Variants in XKR7 observed in about 807,000 individuals in gnomAD.
XKR7 encodes XK-related protein 7.
In XKR7, 11 loss-of-function variants were observed where a neutral mutation model predicts 42.2. That is an observed-to-expected ratio of 0.26 (90% CI 0.16 to 0.43). The LOEUF is 0.43. XKR7 is among the 20% of genes least tolerant of loss of function. XKR7 has a pLI of 1.00. For missense variants in XKR7, 710 were observed against 802.2 expected, an observed-to-expected ratio of 0.89 and a Z score of 1.39; for synonymous variants, 346 against 366.4, an observed-to-expected ratio of 0.94 and a Z score of 0.64.
Position 31,995,207 on chromosome 20 carries a change from C to T in XKR7, c.724C>T (p.Pro242Ser), listed in dbSNP as rs978990126. Residue 242 changes from proline (P) to serine (S), a missense_variant, in exon 2 of 3, where the codon CCG (proline) becomes TCG (serine). Physicochemically the swap from Pro to Ser is moderately conservative, Grantham distance 74. Coordinates refer to ENST00000562532, the MANE Select transcript of XKR7 (RefSeq NM_001011718.2). The surrounding 1 kb of genome is among the most constrained non-coding windows in gnomAD (Gnocchi z 4.1). ...GCTGGAGACCTTCCTGCGCAGCGCG[C>T]CGCAGCTAGTGCTGCAGCTCAGCCT... ...RLLETFLRSA[P>S]QLVLQLSLLV... is the part of the protein sequence containing the mutation. The T allele has an allele frequency of 6.5e-7, 1 of 1,546,102 alleles. No individual in the cohort carries two copies. The highest frequency in any genetic ancestry group is 8.7e-7 in the Non-Finnish European group (1 of 1,146,176).
intron 1 of XKR7, among the ~76,000 whole-genome samples, chr20:31,969,664 C>T (rs2064455211): frequency 6.6e-6 from 1 of 152,220 alleles, no homozygotes; most frequent in Non-Finnish European, 1.5e-5. Context: ...GCAAGCCGCC[C>T]TCCTCCTTCC....
At chr20:31,989,284 C>CCA (rs2064558239) in intron 1 of XKR7, among the ~76,000 whole-genome samples, 1 of 150,796 alleles carries the variant, frequency 6.6e-6, no homozygotes, top group African/African-American at 2.4e-5. Flanking sequence ...CACCCCCCCC[C>CCA]CAGCGCATCT....
intron 1 of XKR7, among the ~76,000 whole-genome samples, chr20:31,974,323 G>T (rs571661182): frequency 1.5e-4 from 23 of 152,296 alleles, no homozygotes; most frequent in African/African-American, 5.1e-4. Flanking sequence ...TAGCAACAGG[G>T]ATGGGGGTCT....
At chr20:31,981,003 C>T (rs531547985) in intron 1 of XKR7, among the ~76,000 whole-genome samples, 2 of 150,596 alleles carry the variant, frequency 1.3e-5, no homozygotes, top group East Asian at 2.0e-4. Context: ...AGGTCGAGGC[C>T]GCAATGAGCT....
intron 1 of XKR7, chr20:31,970,344 A>G (rs977378286): frequency 2.0e-5 from 3 of 152,178 alleles, no homozygotes; most frequent in Non-Finnish European, 2.9e-5. Flanking sequence ...GAATCCACTT[A>G]CAAGAAACTA....
At chr20:31,996,467 CT>C (rs1326051765) in intron 2 of XKR7, 37 bp from the exon 3 acceptor site, 4 of 437,086 alleles carry the variant, frequency 9.2e-6, no homozygotes, top group Non-Finnish European at 1.6e-5. Flanking sequence ...GAGCCCGCCC[CT>C]AACCCAGCCC....
At chr20:31,977,751 A>G (rs2064492158) in intron 1 of XKR7, among the ~76,000 whole-genome samples, 1 of 152,172 alleles carries the variant, frequency 6.6e-6, no homozygotes, top group Non-Finnish European at 1.5e-5. Context: ...GTGAGGGCAG[A>G]TGCGAACTCA....
intron 1 of XKR7, among the ~76,000 whole-genome samples, chr20:31,971,190 CAG>C (rs5841094): frequency 0.28 from 42,184 of 151,944 alleles, 6,199 homozygotes; most frequent in African/African-American, 0.35. Flanking sequence ...AGGACGGGAA[CAG>C]TGTGTATTGT....
In XKR7 at chr20:31,995,172, T is replaced by C. The variant is rs2064585553; in HGVS notation, c.689T>C (p.Met230Thr). Residue 230 changes from methionine (M) to threonine (T), a missense_variant, in exon 2 of 3, where the codon ATG becomes ACG. Transcript: ENST00000562532. The surrounding 1 kb of genome is among the most constrained non-coding windows in gnomAD (Gnocchi z 4.1). ...QMLFESADVS[M>T]LRLLETFLRS... ...CTGTTCGAGAGCGCCGACGTGAGCA[T>C]GCTGCGCTTGCTGGAGACCTTCCTG... 3 of 1,550,550 alleles carry C rather than the reference T, an allele frequency of 1.9e-6. No individual in the cohort carries two copies. Among genetic ancestry groups the C allele is most frequent in the East Asian group, 4.9e-5 (2 of 41,210 alleles).
intron 1 of XKR7, among the ~76,000 whole-genome samples, chr20:31,977,295 G>A (rs62206335): frequency 0.11 from 16,624 of 152,124 alleles, 1,031 homozygotes; most frequent in Non-Finnish European, 0.12. Context: ...AAGTCACTTC[G>A]CACCTAGGGT....
chr20:31,985,007 G>A lies in XKR7; in HGVS notation c.585-10061G>A, dbSNP rs557767896. 2.6e-5 allele frequency among the ~76,000 whole-genome samples: 4 copies of A among 152,332 alleles called. No homozygotes were observed. In the South Asian group the frequency reaches 6.2e-4, roughly 24 times the overall value. ...TTAAGAGGGATGGATACGTTCATAT[G>A]TATAAAAAGTCTCAGCACAGCCTGT... On this transcript the variant is annotated intron_variant, in intron 1 of 2. Transcript: ENST00000562532.
At chr20:31,981,949 C>A (rs1291584761) in intron 1 of XKR7, among the ~76,000 whole-genome samples, 1 of 152,188 alleles carries the variant, frequency 6.6e-6, no homozygotes, top group African/African-American at 2.4e-5. Flanking sequence ...TCAGTAGTCA[C>A]CTCCTCTAGA....
chr20:32,001,293 T>C lies in XKR7; in HGVS notation c.*3836T>C, dbSNP rs888493817. On this transcript the variant is annotated 3_prime_UTR_variant, in exon 3 of 3. Coordinates refer to ENST00000562532, the MANE Select transcript of XKR7 (RefSeq NM_001011718.2). Reference sequence around the variant, plus strand: ...AGAGTAATGGAGACAATAGGGAGTGTTGGGGACTCTGGCAGACAGGAGAGT... The same window carrying C: ...AGAGTAATGGAGACAATAGGGAGTGCTGGGGACTCTGGCAGACAGGAGAGT... 1 of 152,160 alleles carries C rather than the reference T, an allele frequency of 6.6e-6. No homozygotes were observed. The highest frequency in any genetic ancestry group is 1.5e-5 in the Non-Finnish European group (1 of 68,022). The allele number at this position is 152,160 out of a possible 1,614,324, so 9.4% of individuals were successfully genotyped here. A position where few individuals can be genotyped will look rare whatever the true frequency, so the allele number is the denominator to read the frequency against.
At chr20:31,975,420 C>T (rs2064480735) in intron 1 of XKR7, among the ~76,000 whole-genome samples, 1 of 152,072 alleles carries the variant, frequency 6.6e-6, no homozygotes, top group African/African-American at 2.4e-5. Flanking sequence ...CTTCCTCCAG[C>T]AACACCCAAC....
intron 1 of XKR7, among the ~76,000 whole-genome samples, chr20:31,972,348 C>A (rs1162487587): frequency 6.6e-6 from 1 of 152,156 alleles, no homozygotes; most frequent in African/African-American, 2.4e-5. Flanking sequence ...TCTTTTACAC[C>A]ACACACTGGC....
chr20:31,993,830 C>T (rs1180610558), intron 1 of XKR7, among the ~76,000 whole-genome samples: 1 of 152,134 alleles, frequency 6.6e-6, no homozygotes, highest in Non-Finnish European at 1.5e-5. Flanking sequence ...TCAGCGGAAG[C>T]TTTATGGACA....
intron 1 of XKR7, among the ~76,000 whole-genome samples, chr20:31,984,795 G>C (rs1307112524): frequency 6.6e-5 from 10 of 152,214 alleles, no homozygotes; most frequent in African/African-American, 2.4e-4. Flanking sequence ...GGCAACAGGG[G>C]AATCCCGTGG....
In XKR7 at chr20:31,998,848, C is replaced by T. The variant is rs1214052454; in HGVS notation, c.*1391C>T. 6.6e-6 allele frequency: 1 copy of T among 152,194 alleles called. No homozygotes were observed. Among genetic ancestry groups the T allele is most frequent in the Non-Finnish European group, 1.5e-5 (1 of 68,042 alleles). The allele number at this position is 152,194 out of a possible 1,614,324, so 9.4% of individuals were successfully genotyped here. On this transcript the variant is annotated 3_prime_UTR_variant, in exon 3 of 3. Coordinates refer to ENST00000562532, the MANE Select transcript of XKR7 (RefSeq NM_001011718.2). ...GTTTTGCCTTAGATCTGATGACTCC[C>T]CAGGACCTGTGGTCTATTCCCATGG...
In XKR7 at chr20:32,002,085, TG is replaced by T. The variant is rs372565361; in HGVS notation, c.*4632del. 1 of 152,046 alleles carries T rather than the reference TG, an allele frequency of 6.6e-6. No individual in the cohort carries two copies. The highest frequency in any genetic ancestry group is 2.4e-5 in the African/African-American group (1 of 41,416). The allele number at this position is 152,046 out of a possible 1,614,324, so 9.4% of individuals were successfully genotyped here. A position where few individuals can be genotyped will look rare whatever the true frequency, so the allele number is the denominator to read the frequency against. ...TCCTTGGCTGCTGCCGGTAGAGGTA[TG>T]GGGAGGAAAAACTCTAGAGTGGGAG... On this transcript the variant is annotated 3_prime_UTR_variant, in exon 3 of 3. Transcript: ENST00000562532.
Sources: gnomAD v4.1 joint callset for allele counts (sites outside exome capture counted in the v4.1 genomes callset) on GRCh38, gnomAD v4.1.1 for gene constraint, Gnocchi (gnomAD v3.1) non-coding constraint, MANE v1.5 for transcripts, NCBI Gene and HGNC (gene_info 2026-07-23, HGNC 2026-07-21) for gene names.